Variants in FMN1 observed in about 807,000 individuals in gnomAD.
FMN1 encodes the protein formin-1.
In FMN1, 110 loss-of-function variants were observed where a neutral mutation model predicts 132.4. The ratio of observed to expected loss-of-function variants is 0.83; its 90% CI spans 0.71 to 0.97. The LOEUF (loss-of-function observed/expected upper bound fraction) is 0.97, where lower values mean the gene tolerates loss of function less well. FMN1 is among the 50% of genes least tolerant of loss of function. The pLI is 0.00. For missense variants in FMN1, 1,792 were observed against 1,705.3 expected (o/e 1.05, Z -0.90); for synonymous variants, 722 against 651.7 (o/e 1.11, Z -1.64).
chr15:33,091,280 T>C (rs1035545341), intron 4 of FMN1, among the ~76,000 whole-genome samples: 18 of 152,162 alleles, frequency 1.2e-4, no homozygotes, highest in African/African-American at 4.3e-4. Context: ...GAAACACACA[T>C]GCATGCATAT....
chr15:33,012,783 T>G (rs923579749), intron 6 of FMN1: 4 of 702,116 alleles, frequency 5.7e-6, no homozygotes, highest in African/African-American at 5.2e-5. Context: ...AAAACTTCAG[T>G]GGTCATGGTG....
At chr15:32,971,861 G>T (rs1183457172) in intron 7 of FMN1, among the ~76,000 whole-genome samples, 1 of 152,098 alleles carries the variant, frequency 6.6e-6, no homozygotes, top group African/African-American at 2.4e-5. Flanking sequence ...TAGAGCAAAA[G>T]CCCTGGCCCC....
At chr15:33,062,950 ACCCT>A (rs1340895798) in intron 6 of FMN1, 1 of 152,138 alleles carries the variant, frequency 6.6e-6, no homozygotes, top group African/African-American at 2.4e-5. Flanking sequence ...AGAAAATATA[ACCCT>A]CCCACAGGAT....
chr15:33,032,019 AAAT>A (rs1204515201), intron 6 of FMN1, among the ~76,000 whole-genome samples: 3 of 152,244 alleles, frequency 2.0e-5, no homozygotes, highest in East Asian at 1.9e-4. Flanking sequence ...TTAACAACAA[AAAT>A]AATAATTACT....
chr15:32,913,321 G>C (rs1201503411), intron 10 of FMN1, among the ~76,000 whole-genome samples: 1 of 152,026 alleles, frequency 6.6e-6, no homozygotes, highest in African/African-American at 2.4e-5. Context: ...ATTGTACCAA[G>C]GTTACTTTTT....
At chr15:33,060,172 T>A (rs555227754) in intron 6 of FMN1, among the ~76,000 whole-genome samples, 1 of 142,292 alleles carries the variant, frequency 7.0e-6, no homozygotes, top group African/African-American at 2.5e-5. Flanking sequence ...CTATGAAAGA[T>A]AGTACAATGC....
chr15:33,028,508 C>T (rs971438239), intron 6 of FMN1, among the ~76,000 whole-genome samples: 2 of 134,972 alleles, frequency 1.5e-5, no homozygotes, highest in Non-Finnish European at 3.2e-5. Flanking sequence ...TAAAGAACTA[C>T]AGAGGAAAAA....
intron 9 of FMN1, 93 bp downstream of exon 9, chr15:32,964,014 G>GAC (rs1555505885): frequency 1.2e-5 from 4 of 342,572 alleles, no homozygotes; most frequent in Admixed American, 6.5e-5. Context: ...GTGTATATAC[G>GAC]ATACACACAC....
chr15:32,879,268 A>C (rs2059707144), intron 16 of FMN1, among the ~76,000 whole-genome samples: 1 of 152,228 alleles, frequency 6.6e-6, no homozygotes, highest in Admixed American at 6.5e-5. Flanking sequence ...CTTTGCTTGC[A>C]AAACTAAATA....
chr15:32,835,865 A>G (rs1183254504), intron 17 of FMN1, among the ~76,000 whole-genome samples: 1 of 151,898 alleles, frequency 6.6e-6, no homozygotes, highest in African/African-American at 2.4e-5. Context: ...TTATTTTATT[A>G]TTATTATTTT....
At chr15:32,845,157 A>C (rs1376420573) in intron 17 of FMN1, among the ~76,000 whole-genome samples, 1 of 152,238 alleles carries the variant, frequency 6.6e-6, no homozygotes, top group African/African-American at 2.4e-5. Flanking sequence ...AGCATCTTTG[A>C]TCAATCACTG....
At chr15:32,873,030 C>G (rs186293168) in intron 16 of FMN1, among the ~76,000 whole-genome samples, 317 of 152,246 alleles carry the variant, frequency 2.1e-3, no homozygotes, top group African/African-American at 7.3e-3. Flanking sequence ...GAATCACTGG[C>G]AAAGCATGGA....
rs1206467495 is a variant in FMN1, at chr15:33,153,196, T to C, written c.1719A>G (p.Pro573=). 6 of 1,536,070 alleles carry C rather than the reference T, an allele frequency of 3.9e-6. No individual in the cohort carries two copies. The highest frequency in any genetic ancestry group is 2.4e-5 in the East Asian group (1 of 40,900). ...SGCVSADTLE[P]PSSAKVTETK... is the part of the protein sequence containing the mutation. ...TCTCCGTGACCTTTGCAGAGGATGG[T>C]GGCTCCAAGGTGTCAGCAGAGACGC... Residue 573 remains proline (P), a synonymous_variant, in exon 4 of 21, where the codon CCA becomes CCG. Coordinates refer to ENST00000616417, the MANE Select transcript of FMN1 (RefSeq NM_001277313.2).
At chr15:32,855,735 T>C (rs951259461) in intron 17 of FMN1, among the ~76,000 whole-genome samples, 6 of 152,186 alleles carry the variant, frequency 3.9e-5, no homozygotes, top group Non-Finnish European at 7.3e-5. Context: ...TAATTCTGCA[T>C]ATGTAAAAAG....
At chr15:33,023,367 C>T (rs1025904243) in intron 6 of FMN1, among the ~76,000 whole-genome samples, 12 of 151,882 alleles carry the variant, frequency 7.9e-5, no homozygotes, top group Admixed American at 4.6e-4. Flanking sequence ...ACAATTGAAA[C>T]ATGACATCAC....
intron 4 of FMN1, among the ~76,000 whole-genome samples, chr15:33,147,578 T>C (rs1191918284): frequency 6.6e-6 from 1 of 152,224 alleles, no homozygotes; most frequent in South Asian, 2.1e-4. Flanking sequence ...GAAGGTGTTA[T>C]CCTCAAAGCA....
intron 7 of FMN1, chr15:32,970,692 C>T (rs1056119781): frequency 6.6e-6 from 1 of 152,046 alleles, no homozygotes; most frequent in Non-Finnish European, 1.5e-5. Context: ...GGTATACACA[C>T]AGGAAGCTCA....
chr15:33,057,757 TG>T (rs1485937094), intron 6 of FMN1, among the ~76,000 whole-genome samples: 2 of 152,158 alleles, frequency 1.3e-5, no homozygotes, highest in African/African-American at 2.4e-5. Context: ...CCCTTTATCT[TG>T]GGGGGAAAAG....
intron 17 of FMN1, among the ~76,000 whole-genome samples, chr15:32,811,679 T>C (rs1032549813): frequency 1.3e-5 from 2 of 151,968 alleles, no homozygotes; most frequent in African/African-American, 4.8e-5. Flanking sequence ...CTTTTTTTTT[T>C]TTTGAGACGG....
Sources: gnomAD v4.1 joint callset for allele counts (sites outside exome capture counted in the v4.1 genomes callset) on GRCh38, gnomAD v4.1.1 for gene constraint, MANE v1.5 for transcripts, NCBI Gene and HGNC (gene_info 2026-07-23, HGNC 2026-07-21) for gene names.